Variants in YLPM1 observed in about 807,000 individuals in gnomAD.
YLPM1 encodes YLP motif containing 1, also known as YLP motif-containing protein 1.
Under a neutral mutation model 230.0 loss-of-function variants are expected in YLPM1, and 99 were observed. That is an observed-to-expected ratio of 0.43 (90% CI 0.37 to 0.51). YLPM1 has a LOEUF of 0.51. Among genes scored for constraint, YLPM1 ranks in the 20% least tolerant of loss-of-function variants. The pLI is 0.00. For synonymous variants in YLPM1, 984 were observed against 942.5 expected, an observed-to-expected ratio of 1.04 and a Z score of -0.81; for missense variants, 2,592 against 2,707.7, an observed-to-expected ratio of 0.96 and a Z score of 0.95.
intron 2 of YLPM1, 30 bp downstream of exon 2, chr14:74,778,713 T>A (rs2091065724): frequency 6.6e-7 from 1 of 1,511,678 alleles, no homozygotes; most frequent in Non-Finnish European, 8.9e-7. Context: ...TTTGTGTTTA[T>A]TAAATTATTT....
At chr14:74,812,254 C>T (rs137932241) in intron 10 of YLPM1, among the ~76,000 whole-genome samples, 1 of 152,290 alleles carries the variant, frequency 6.6e-6, no homozygotes, top group African/African-American at 2.4e-5. Context: ...TTTTTAGGAA[C>T]AGGCTCTCCT....
At chr14:74,818,591 C>T (rs188087890) in intron 16 of YLPM1, among the ~76,000 whole-genome samples, 1 of 152,224 alleles carries the variant, frequency 6.6e-6, no homozygotes, top group Admixed American at 6.5e-5. Flanking sequence ...TTAAATACAT[C>T]AGTAGGTATC....
At position 74,799,506 on chromosome 14, in the gene YLPM1, C is replaced by T. The variant is rs2091303961; in HGVS notation, c.4209C>T (p.Asp1403=). 6.2e-7 allele frequency: 1 copy of T among 1,613,980 alleles called. No homozygotes were observed. Among genetic ancestry groups the T allele is most frequent in the Non-Finnish European group, 8.5e-7 (1 of 1,179,878 alleles). The change falls in exon 5 of 21, where the codon GAC becomes GAT. Residue 1403 remains aspartate (D), a synonymous_variant. Coordinates refer to ENST00000325680, the MANE Select transcript of YLPM1 (RefSeq NM_019589.3). ...RMDWERERLS[D]RWYPSDVDRH... ...ACTGGGAAAGAGAACGGTTGTCAGA[C>T]AGATGGTACCCATCTGATGTGGATA...
intron 1 of YLPM1, among the ~76,000 whole-genome samples, chr14:74,769,042 A>AT (rs2090943987): frequency 6.6e-6 from 1 of 151,260 alleles, no homozygotes; most frequent in African/African-American, 2.4e-5. Context: ...GTAAAGTGAT[A>AT]TTTTTTATTT....
chr14:74,773,809 C>T (rs1036312997), intron 1 of YLPM1, among the ~76,000 whole-genome samples: 8 of 149,808 alleles, frequency 5.3e-5, no homozygotes, highest in Non-Finnish European at 1.2e-4. Context: ...CAACCTCCGC[C>T]TCCCAGGTTC....
At chr14:74,783,150 T>C (rs575306035) in intron 4 of YLPM1, among the ~76,000 whole-genome samples, 2 of 152,272 alleles carry the variant, frequency 1.3e-5, no homozygotes, top group East Asian at 1.9e-4. Flanking sequence ...GTGCAGCCTC[T>C]TCCTCCTGGG....
In YLPM1 at chr14:74,799,403, G is replaced by T. The variant is rs1159401946; in HGVS notation, c.4106G>T (p.Gly1369Val). ...TATGATCGAGATTTCCGTGATAGGGGTGAGTTGAGGATTCGAGAGTATCCA... is the reference window on the plus strand; with the variant it reads ...TATGATCGAGATTTCCGTGATAGGGTTGAGTTGAGGATTCGAGAGTATCCA... ...HGYDRDFRDRGELRIREYPER... is the reference protein window; with the variant it reads ...HGYDRDFRDRVELRIREYPER... Residue 1369 changes from glycine to valine, a missense_variant, in exon 5 of 21, where the codon GGT (glycine) becomes GTT (valine). This residue lies in a region of YLPM1 where 1,862 missense variants were observed against 1,819.8 expected (regional missense o/e 1.02). Transcript: ENST00000325680. 6.2e-7 allele frequency: 1 copy of T among 1,614,018 alleles called. No homozygotes were observed. Among genetic ancestry groups the T allele is most frequent in the South Asian group, 1.1e-5 (1 of 91,076 alleles).
chr14:74,774,444 C>T (rs1244862476), intron 1 of YLPM1, among the ~76,000 whole-genome samples: 10 of 151,438 alleles, frequency 6.6e-5, no homozygotes, highest in African/African-American at 2.2e-4. Flanking sequence ...CTCGCTCTGT[C>T]GCCCAGGCTG....
intron 6 of YLPM1, among the ~76,000 whole-genome samples, chr14:74,806,932 A>T (rs1047681304): frequency 2.6e-5 from 4 of 152,144 alleles, no homozygotes; most frequent in African/African-American, 7.2e-5. Context: ...AGCAGTTTTT[A>T]AAAAATTTAT....
Position 74,778,458 on chromosome 14 carries a change from G to A in YLPM1, c.885G>A (p.Gln295=). 6.2e-7 allele frequency: 1 copy of A among 1,602,036 alleles called. No homozygotes were observed. Among genetic ancestry groups the A allele is most frequent in the Non-Finnish European group, 8.5e-7 (1 of 1,174,090 alleles). ...PSTMTPQEQQ[Q]YWYRQHLLSL... is the part of the protein sequence containing the mutation. ...TGTTTCTGTTGTAGGAACAGCAGCA[G>A]TATTGGTATCGACAGCACTTGCTTA... Residue 295 remains glutamine, a synonymous_variant, in exon 2 of 21, where the codon CAG becomes CAA. Coordinates refer to ENST00000325680, the MANE Select transcript of YLPM1 (RefSeq NM_019589.3).
chr14:74,798,869 C>A lies in YLPM1; in HGVS notation c.3572C>A (p.Ala1191Asp). 1 of 1,613,810 alleles carries A rather than the reference C, an allele frequency of 6.2e-7. No homozygotes were observed. Among genetic ancestry groups the A allele is most frequent in the Non-Finnish European group, 8.5e-7 (1 of 1,179,850 alleles). Reference sequence around the variant, plus strand: ...TATCACCGGGATGAGCCTCCTAGGGCTCCATGGAACCATGGAGAAGAGCGA... The same window carrying A: ...TATCACCGGGATGAGCCTCCTAGGGATCCATGGAACCATGGAGAAGAGCGA... Reference protein sequence around the residue: ...YPYHRDEPPRAPWNHGEERGH... With the variant: ...YPYHRDEPPRDPWNHGEERGH... Residue 1191 changes from alanine to aspartate, a missense_variant, in exon 5 of 21, where the codon GCT (alanine) becomes GAT (aspartate). Ala to Asp is a moderately radical substitution (Grantham distance 126). This residue lies in a region of YLPM1 where 1,862 missense variants were observed against 1,819.8 expected (regional missense o/e 1.02). Transcript: ENST00000325680.
intron 19 of YLPM1, among the ~76,000 whole-genome samples, chr14:74,831,141 C>G (rs1209202936): frequency 6.6e-6 from 1 of 152,170 alleles, no homozygotes; most frequent in Non-Finnish European, 1.5e-5. Context: ...CATTTATTTA[C>G]TAAGAATGAG....
At chr14:74,774,432 G>A (rs2091011798) in intron 1 of YLPM1, among the ~76,000 whole-genome samples, 1 of 151,992 alleles carries the variant, frequency 6.6e-6, no homozygotes. Flanking sequence ...TTGAGACGGA[G>A]TCTCGCTCTG....
In YLPM1 at chr14:74,816,931, G is replaced by A; in HGVS notation, c.5686G>A (p.Val1896Ile). 13 of 1,563,930 alleles carry A rather than the reference G, an allele frequency of 8.3e-6. No homozygotes were observed. The highest frequency in any genetic ancestry group is 1.0e-5 in the Non-Finnish European group (12 of 1,160,506). ...CCATATCTCTTTTGGGGGACCTTAG[G>A]TAATGGAATATGAATATGAAGCTGA... ...PDSGKKVKKK[V>I]MEYEYEAEME... The change falls in exon 14 of 21, where the codon GTA (valine) becomes ATA (isoleucine). Residue 1896 changes from valine to isoleucine, a missense_variant and splice_region_variant. Val to Ile is a conservative substitution (Grantham distance 29). This residue lies in a region of YLPM1 where 315 missense variants were observed against 429.3 expected (regional missense o/e 0.73). Transcript: ENST00000325680.
chr14:74,792,049 ATAT>A (rs1339467438), intron 4 of YLPM1, among the ~76,000 whole-genome samples: 1 of 152,224 alleles, frequency 6.6e-6, no homozygotes, highest in Non-Finnish European at 1.5e-5. Context: ...ATGATCTGAT[ATAT>A]TATTGAGGCA....
rs1465120409 is a variant in YLPM1, at chr14:74,781,509, T to C, written c.1466T>C (p.Met489Thr). 5 of 1,613,938 alleles carry C rather than the reference T, an allele frequency of 3.1e-6. No individual in the cohort carries two copies. In the South Asian group the frequency reaches 4.4e-5, roughly 14 times the overall value. ...CAGTGGAAAACATGGCAGGGACATA[T>C]GAAAGCCACTCAGAGCTATCTCCAG... ...EKQWKTWQGH[M>T]KATQSYLQEK... Residue 489 changes from methionine to threonine, a missense_variant, in exon 4 of 21, where the codon ATG (methionine) becomes ACG (threonine). Met to Thr is a moderately conservative substitution (Grantham distance 81). Around this residue, in one of 4 missense-constraint regions of YLPM1, gnomAD observed 1,862 missense variants for 1,819.8 expected, o/e 1.02. Transcript: ENST00000325680.
At chr14:74,791,122 G>C (rs1437682427) in intron 4 of YLPM1, among the ~76,000 whole-genome samples, 1 of 152,066 alleles carries the variant, frequency 6.6e-6, no homozygotes, top group Non-Finnish European at 1.5e-5. Flanking sequence ...TAAAAAATTA[G>C]CCAGGCATGG....
chr14:74,823,658 A>C (rs1319399317), intron 17 of YLPM1, among the ~76,000 whole-genome samples: 1 of 152,154 alleles, frequency 6.6e-6, no homozygotes, highest in Non-Finnish European at 1.5e-5. Flanking sequence ...AATTTGATTC[A>C]GTAAAATTAG....
intron 6 of YLPM1, among the ~76,000 whole-genome samples, chr14:74,804,690 C>T (rs2091359536): frequency 6.6e-6 from 1 of 152,156 alleles, no homozygotes; most frequent in Non-Finnish European, 1.5e-5. Context: ...TCTTTGTTGT[C>T]ATCTTTATTA....
Sources: allele counts gnomAD v4.1 joint callset (sites outside exome capture counted in the v4.1 genomes callset), GRCh38; gene constraint gnomAD v4.1.1; regional missense constraint gnomAD v4.1.1; transcripts MANE v1.5; gene names NCBI Gene and HGNC (gene_info 2026-07-23, HGNC 2026-07-21).